The following RBFOX1 variants were observed in gnomAD, a reference collection of about 807,000 sequenced individuals.
RBFOX1 encodes the protein RNA binding protein fox-1 homolog 1.
A neutral mutation model predicts 57.7 loss-of-function variants in RBFOX1; 8 were observed. That is an observed-to-expected ratio of 0.14 (90% CI 0.08 to 0.25). The LOEUF (loss-of-function observed/expected upper bound fraction) is 0.25. RBFOX1 is among the 10% of genes least tolerant of loss of function. The probability of loss-of-function intolerance (pLI) is 1.00; values close to 1 mark genes in which losing one functional copy is unlikely to be tolerated. For synonymous variants in RBFOX1, 326 were observed against 222.4 expected (o/e 1.47, Z -4.15); for missense variants, 611 against 548.5 (o/e 1.11, Z -1.14).
chr16:5,725,608 C>G (rs1448236389), intron 3 of RBFOX1, among the ~76,000 whole-genome samples: 1 of 151,292 alleles, frequency 6.6e-6, no homozygotes, highest in Non-Finnish European at 1.5e-5. Flanking sequence ...CTCTGTAGCC[C>G]TTCTGCTTGA....
chr16:6,071,076 A>C (rs2095831553), intron 1 of RBFOX1, among the ~76,000 whole-genome samples: 1 of 152,204 alleles, frequency 6.6e-6, no homozygotes, highest in Non-Finnish European at 1.5e-5. Context: ...TAACCCCAGC[A>C]CTTTGGGAGG....
chr16:7,676,698 G>C (rs1597851651), intron 13 of RBFOX1, 76 bp from the exon 14 acceptor site: 1 of 1,258,084 alleles, frequency 7.9e-7, no homozygotes, highest in East Asian at 2.4e-5. Context: ...CAGCTGCTCT[G>C]GTGTGGTCTT....
chr16:6,753,185 T>C (rs2075246215), intron 3 of RBFOX1, among the ~76,000 whole-genome samples: 1 of 152,048 alleles, frequency 6.6e-6, no homozygotes, highest in African/African-American at 2.4e-5. Flanking sequence ...AAAAATAAGA[T>C]GGGTTGATGG....
intron 4 of RBFOX1, among the ~76,000 whole-genome samples, chr16:7,488,211 G>C (rs936251339): frequency 9.9e-5 from 15 of 152,168 alleles, no homozygotes; most frequent in African/African-American, 3.4e-4. Context: ...CCCTGCAGGA[G>C]GGGCTTCAGC....
At chr16:6,760,876 C>T (rs889560434) in intron 3 of RBFOX1, among the ~76,000 whole-genome samples, 1 of 152,044 alleles carries the variant, frequency 6.6e-6, no homozygotes, top group Non-Finnish European at 1.5e-5. Flanking sequence ...ATGCCACCCA[C>T]CAGAATTGGA....
intron 3 of RBFOX1, chr16:6,983,758 G>A (rs1444467004): frequency 6.6e-6 from 1 of 152,486 alleles, no homozygotes; most frequent in Non-Finnish European, 1.5e-5. Flanking sequence ...CTGTGATGTA[G>A]GCTGGGTGGC....
In RBFOX1 at chr16:7,665,787, GATT is replaced by G. The variant is rs531205215; in HGVS notation, c.930+822_930+824del. Among the ~76,000 whole-genome samples the G allele has an allele frequency of 1.2e-3, 190 of 152,124 alleles. 2 individuals are homozygous for G. The highest frequency in any genetic ancestry group is 3.5e-3 in the African/African-American group (147 of 41,502). ...TATTACAAAAGACCTCAGTCAATGGGATTATATTTGTTTTACAGACTAGATAGC... is the reference window on the plus strand; with the variant it reads ...TATTACAAAAGACCTCAGTCAATGGGATATTTGTTTTACAGACTAGATAGC... On this transcript the variant is annotated intron_variant, in intron 13 of 15. Transcript: ENST00000550418.
intron 3 of RBFOX1, among the ~76,000 whole-genome samples, chr16:6,763,134 T>A (rs149049704): frequency 5.3e-4 from 81 of 151,876 alleles, no homozygotes; most frequent in African/African-American, 1.9e-3. Context: ...CTAAAATGAG[T>A]TTTTTCAGGG....
intron 2 of RBFOX1, among the ~76,000 whole-genome samples, chr16:6,388,176 C>G (rs953927096): frequency 4.0e-5 from 6 of 151,866 alleles, no homozygotes. Context: ...CCTTGTTAAC[C>G]AGGATGGTCT....
At chr16:5,992,388 G>C (rs1396044715) in intron 4 of RBFOX1, among the ~76,000 whole-genome samples, 1 of 152,188 alleles carries the variant, frequency 6.6e-6, no homozygotes, top group East Asian at 1.9e-4. Context: ...ATTAAAGCGA[G>C]ACCAATGGGT....
chr16:6,255,175 A>T (rs370233379), intron 1 of RBFOX1, among the ~76,000 whole-genome samples: 1 of 152,288 alleles, frequency 6.6e-6, no homozygotes, highest in South Asian at 2.1e-4. Flanking sequence ...AAACATTTCC[A>T]TATCAATACT....
At chr16:5,900,814 C>G (rs1318881989) in intron 4 of RBFOX1, among the ~76,000 whole-genome samples, 1 of 152,198 alleles carries the variant, frequency 6.6e-6, no homozygotes, top group Non-Finnish European at 1.5e-5. Flanking sequence ...CAACCACCGT[C>G]AAGACATCCA....
chr16:5,737,691 C>A lies in RBFOX1; in HGVS notation c.319-129612C>A, dbSNP rs571096668. Among the ~76,000 whole-genome samples, 6 of 152,134 alleles carry A rather than the reference C, an allele frequency of 3.9e-5. No homozygotes were observed. In the South Asian group the frequency reaches 1.2e-3, roughly 32 times the overall value. ...TTGCACTGTCTCCGTACCTAAACAA[C>A]CCCTTCTACAGAGCTCAAGATTGGA... is the stretch of plus-strand genomic sequence containing the variant. On this transcript the variant is annotated intron_variant, in intron 3 of 19. Transcript: ENST00000641259.
In RBFOX1 at chr16:6,045,220, G is replaced by A. The variant is rs547046542; in HGVS notation, c.-127+25228G>A. Among the ~76,000 whole-genome samples, 45 of 152,296 alleles carry A rather than the reference G, an allele frequency of 3.0e-4. No homozygotes were observed. In the South Asian group the frequency reaches 9.3e-3, roughly 32 times the overall value. On this transcript the variant is annotated intron_variant, in intron 1 of 15. Transcript: ENST00000550418. ...GATTCTGAATTTATGATAAACTCCC[G>A]AGCGATGCTACTGCTGCTGACCTGT...
At chr16:7,441,876 G>C (rs149439692) in intron 4 of RBFOX1, among the ~76,000 whole-genome samples, 37 of 152,302 alleles carry the variant, frequency 2.4e-4, no homozygotes, top group African/African-American at 8.7e-4. Context: ...TGCCTCCGTA[G>C]TGCTCTCCTC....
intron 4 of RBFOX1, among the ~76,000 whole-genome samples, chr16:5,936,855 C>G (rs921074268): frequency 2.6e-5 from 4 of 152,186 alleles, no homozygotes; most frequent in Admixed American, 2.0e-4. Flanking sequence ...AGCCAGCCAT[C>G]TGGGTATCAA....
At chr16:6,425,807 T>TAATC (rs1351089754) in intron 2 of RBFOX1, among the ~76,000 whole-genome samples, 1 of 152,176 alleles carries the variant, frequency 6.6e-6, no homozygotes, top group Non-Finnish European at 1.5e-5. Flanking sequence ...AGAAAGAGTT[T>TAATC]AATCACCATT....
At chr16:7,531,354 TG>T (rs1384933416) in intron 5 of RBFOX1, among the ~76,000 whole-genome samples, 2 of 152,168 alleles carry the variant, frequency 1.3e-5, no homozygotes, top group Non-Finnish European at 2.9e-5. Context: ...GAGCTCATAC[TG>T]GGTACCCAGT....
chr16:5,299,612 A>G (rs1383986056), intron 1 of RBFOX1, among the ~76,000 whole-genome samples: 2 of 152,202 alleles, frequency 1.3e-5, no homozygotes, highest in African/African-American at 4.8e-5. Flanking sequence ...ATTTTTGATT[A>G]CAGCCATTTC....
Sources: gnomAD v4.1 joint callset for allele counts (sites outside exome capture counted in the v4.1 genomes callset) on GRCh38, gnomAD v4.1.1 for gene constraint, MANE v1.5 for transcripts, NCBI Gene and HGNC (gene_info 2026-07-23, HGNC 2026-07-21) for gene names.